RELN: variants seen among roughly 807,000 people sequenced by gnomAD.
RELN encodes reelin.
A neutral mutation model predicts 427.6 loss-of-function variants in RELN; 108 were observed. That is an observed-to-expected ratio of 0.25 (90% CI 0.22 to 0.30). The LOEUF is 0.30. RELN is among the 10% of genes least tolerant of loss of function. The probability of loss-of-function intolerance (pLI) is 1.00; values close to 1 mark genes in which losing one functional copy is unlikely to be tolerated. For missense variants in RELN, 3,715 were observed against 4,302.8 expected (o/e 0.86, Z 3.82); for synonymous variants, 1,524 against 1,513.4 (o/e 1.01, Z -0.16).
intron 1 of RELN, among the ~76,000 whole-genome samples, chr7:103,945,848 T>C (rs1796209981): frequency 6.6e-6 from 1 of 152,166 alleles, no homozygotes; most frequent in African/African-American, 2.4e-5. Context: ...CCATTGCCTC[T>C]GGTATTCAGT....
intron 43 of RELN, among the ~76,000 whole-genome samples, chr7:103,541,707 T>C (rs1270124050): frequency 3.3e-5 from 5 of 152,224 alleles, no homozygotes; most frequent in South Asian, 4.1e-4. Context: ...AACTTAGTGA[T>C]AGATAAACCA....
chr7:103,844,368 C>T (rs1210729094), intron 2 of RELN, among the ~76,000 whole-genome samples: 2 of 152,132 alleles, frequency 1.3e-5, no homozygotes, highest in Non-Finnish European at 2.9e-5. Context: ...CACCATGATT[C>T]AGACTTCTGC....
chr7:103,545,903 T>G (rs757717901), intron 41 of RELN, among the ~76,000 whole-genome samples: 25 of 152,220 alleles, frequency 1.6e-4, no homozygotes, highest in Non-Finnish European at 2.9e-4. Flanking sequence ...CCCAAAGTGC[T>G]GGGATTACAA....
rs1330424374 is a variant in RELN at position 103,824,799 on chromosome 7, CACAGAA to C, written c.473+8732_473+8737del. Among the ~76,000 whole-genome samples, 1 of 151,854 alleles carries C rather than the reference CACAGAA, an allele frequency of 6.6e-6. No homozygotes were observed. Among genetic ancestry groups the C allele is most frequent in the Non-Finnish European group, 1.5e-5 (1 of 67,972 alleles). On this transcript the variant is annotated intron_variant, in intron 3 of 64. Transcript: ENST00000428762. The surrounding 1 kb of genome is among the most constrained non-coding windows in gnomAD (Gnocchi z 4.4). ...TATTTTTATGTGTCTGAAATTGTAC[CACAGAA>C]ACAAATATTTTGTTTATGTCACTTA...
intron 28 of RELN, among the ~76,000 whole-genome samples, chr7:103,585,896 T>C (rs1421568890): frequency 2.0e-5 from 3 of 152,124 alleles, no homozygotes; most frequent in African/African-American, 7.2e-5. Context: ...TAAGGATAGT[T>C]CAACACACCT....
intron 36 of RELN, among the ~76,000 whole-genome samples, chr7:103,559,278 T>C (rs1334615210): frequency 6.6e-6 from 1 of 152,228 alleles, no homozygotes; most frequent in Non-Finnish European, 1.5e-5. Context: ...AACTATCTTT[T>C]GGTTTGGGGA....
At chr7:103,564,125 G>A (rs1018124886) in intron 34 of RELN, among the ~76,000 whole-genome samples, 2 of 152,220 alleles carry the variant, frequency 1.3e-5, no homozygotes, top group African/African-American at 4.8e-5. Flanking sequence ...ATAAGTGTTT[G>A]TTGAATTTTT....
At chr7:103,512,527 T>C (rs11983689) in intron 50 of RELN, among the ~76,000 whole-genome samples, 19,633 of 152,118 alleles carry the variant, frequency 0.13, 1,376 homozygotes, top group East Asian at 0.27. Flanking sequence ...ACTGAAGAAA[T>C]AGATTTGAAG....
At chr7:103,749,981 G>T (rs890526972) in intron 5 of RELN, among the ~76,000 whole-genome samples, 4 of 151,284 alleles carry the variant, frequency 2.6e-5, no homozygotes, top group Admixed American at 6.6e-5. Flanking sequence ...AGATTTGATG[G>T]TTTTTTTTTA....
intron 53 of RELN, among the ~76,000 whole-genome samples, chr7:103,499,153 C>A (rs946620036): frequency 1.3e-5 from 2 of 152,142 alleles, no homozygotes; most frequent in Non-Finnish European, 2.9e-5. Context: ...CCTTTGAAGG[C>A]AGTTTGAAAG....
intron 27 of RELN, among the ~76,000 whole-genome samples, chr7:103,593,481 T>C (rs1831467131): frequency 6.6e-6 from 1 of 152,156 alleles, no homozygotes; most frequent in African/African-American, 2.4e-5. Flanking sequence ...ACCCACAACT[T>C]TTGGGACTCC....
Position 103,989,290 on chromosome 7 carries a change from C to T in RELN, c.67G>A (p.Ala23Thr). The change falls in exon 1 of 65, where the codon GCG (alanine) becomes ACG (threonine). Residue 23 changes from alanine to threonine, a missense_variant. By Grantham distance (58) the Ala-to-Thr change is moderately conservative (BLOSUM62 0). Coordinates refer to ENST00000428762, the MANE Select transcript of RELN (RefSeq NM_005045.4). This position sits in a 1 kb window ranked among gnomAD's most constrained non-coding sequence, Gnocchi z 4.9. ...GGGTAATAGCCAGCCGCCGCGCGCG[C>T]CCTCAGCGTCGCCCCCAGCAACAGC... ...LALLLGATLR[A>T]RAAAGYYPRF... 2 of 1,612,972 alleles carry T rather than the reference C, an allele frequency of 1.2e-6. No homozygotes were observed. The highest frequency in any genetic ancestry group is 1.7e-6 in the Non-Finnish European group (2 of 1,179,832).
intron 1 of RELN, among the ~76,000 whole-genome samples, chr7:103,918,670 A>G (rs1795542218): frequency 6.6e-6 from 1 of 152,186 alleles, no homozygotes; most frequent in Non-Finnish European, 1.5e-5. Context: ...ACTTATTCAT[A>G]TAAAAGTAGT....
chr7:103,975,586 C>A (rs192550724), intron 1 of RELN, among the ~76,000 whole-genome samples: 1 of 151,070 alleles, frequency 6.6e-6, no homozygotes, highest in Admixed American at 6.6e-5. Context: ...CTCGCTCTGT[C>A]GCCCAGGCTG....
intron 7 of RELN, 85 bp from the exon 8 acceptor site, chr7:103,723,276 A>G: frequency 1.3e-6 from 1 of 789,516 alleles, no homozygotes; most frequent in East Asian, 2.6e-5. Context: ...GGGGAGGGGA[A>G]GAGTTAAAAA....
At position 103,535,399 on chromosome 7, in the gene RELN, A is replaced by T. The variant is rs752429610; in HGVS notation, c.7266T>A (p.Ser2422Arg). 31 of 1,613,868 alleles carry T rather than the reference A, an allele frequency of 1.9e-5. No homozygotes were observed. In the South Asian group the frequency reaches 3.3e-4, roughly 17 times the overall value. ...CCAGGATCCGTTGCAGATGATAGCG[A>T]CTGCATTCCACATTGGTAGGCAGAC... ...RDCLPTNVEC[S>R]RYHLQRILVS... Residue 2422 changes from serine (S) to arginine (R), a missense_variant, in exon 46 of 65, where the codon AGT becomes AGA. Transcript: ENST00000428762.
intron 6 of RELN, among the ~76,000 whole-genome samples, chr7:103,737,189 T>C (rs1320673658): frequency 6.6e-6 from 1 of 152,224 alleles, no homozygotes; most frequent in Non-Finnish European, 1.5e-5. Flanking sequence ...AAAATATTTA[T>C]TGTGTCTGAT....
intron 3 of RELN, among the ~76,000 whole-genome samples, chr7:103,816,566 C>CACACACACACACACACA (rs1304995965): frequency 1.3e-5 from 2 of 150,724 alleles, no homozygotes; most frequent in Non-Finnish European, 3.0e-5. Context: ...CACACACACA[C>CACACACACACACACACA]AACTAAGGCC....
At chr7:103,868,241 G>A (rs973682838) in intron 2 of RELN, among the ~76,000 whole-genome samples, 2 of 151,984 alleles carry the variant, frequency 1.3e-5, no homozygotes, top group African/African-American at 4.8e-5. Flanking sequence ...GCCTCAAACC[G>A]AGCAAGCTAA....
Sources: allele counts gnomAD v4.1 joint callset (sites outside exome capture counted in the v4.1 genomes callset), GRCh38; gene constraint gnomAD v4.1.1; non-coding constraint Gnocchi (gnomAD v3.1); transcripts MANE v1.5; gene names NCBI Gene and HGNC (gene_info 2026-07-23, HGNC 2026-07-21).